The following ODAD3 variants were observed in gnomAD, a reference collection of about 807,000 sequenced individuals.
The protein encoded by ODAD3 is outer dynein arm-docking complex subunit 3.
Under a neutral mutation model 70.9 loss-of-function variants are expected in ODAD3, and 57 were observed. The ratio of observed to expected loss-of-function variants is 0.80; its 90% confidence interval spans 0.65 to 1.00. The LOEUF (loss-of-function observed/expected upper bound fraction) is 1.00, where lower values mean the gene tolerates loss of function less well. Among genes scored for constraint, ODAD3 ranks in the 50% least tolerant of loss-of-function variants. The pLI, the probability that ODAD3 is intolerant of heterozygous loss-of-function variation, is 0.00. For synonymous variants in ODAD3, 327 were observed against 315.9 expected (o/e 1.04, Z -0.37); for missense variants, 797 against 763.9 (o/e 1.04, Z -0.51).
intron 7 of ODAD3, among the ~76,000 whole-genome samples, chr19:11,425,080 T>TA (rs1969266864): frequency 7.3e-6 from 1 of 136,348 alleles, no homozygotes; most frequent in Non-Finnish European, 1.5e-5. Flanking sequence ...TGTATATGTG[T>TA]ATATGTACAT....
intron 7 of ODAD3, among the ~76,000 whole-genome samples, chr19:11,425,481 GTGTA>G (rs1969329975): frequency 7.2e-6 from 1 of 138,108 alleles, no homozygotes; most frequent in African/African-American, 2.7e-5. Context: ...GTATATATGT[GTGTA>G]TATATGTATA....
At chr19:11,421,301 G>T in intron 11 of ODAD3, 89 bp from the exon 12 acceptor site, 4 of 1,213,204 alleles carry the variant, frequency 3.3e-6, no homozygotes, top group Non-Finnish European at 4.6e-6. Context: ...ACCCCATTCC[G>T]AGATATGCCC....
At chr19:11,424,956 C>CCTATGTGTAT (rs1969247623) in intron 7 of ODAD3, among the ~76,000 whole-genome samples, 2 of 105,836 alleles carry the variant, frequency 1.9e-5, no homozygotes, top group African/African-American at 4.3e-5. Flanking sequence ...TGTATATGTA[C>CCTATGTGTAT]ATATGTGTAT....
In ODAD3 at chr19:11,426,137, C is replaced by T. The variant is rs1244733353; in HGVS notation, c.963+7G>A. The T allele has an allele frequency of 1.2e-6, 2 of 1,603,722 alleles. No individual in the cohort carries two copies. The highest frequency in any genetic ancestry group is 1.1e-5 in the South Asian group (1 of 90,520). ...AGTCACAGGCGCGCACCCCTGGGTG[C>T]GCCCACCTTGCGCTCCATGCGCTCG... On this transcript the variant is annotated splice_region_variant and intron_variant, in intron 7 of 12. Coordinates refer to ENST00000356392, the MANE Select transcript of ODAD3 (RefSeq NM_145045.5).
At chr19:11,421,251 G>T in intron 11 of ODAD3, 39 bp from the exon 12 acceptor site, 2 of 1,569,364 alleles carry the variant, frequency 1.3e-6, no homozygotes, top group East Asian at 2.3e-5. Context: ...AGGTGGGCGG[G>T]GCCAGGGGCC....
chr19:11,425,708 C>A (rs1202779789), intron 7 of ODAD3, among the ~76,000 whole-genome samples: 1 of 145,758 alleles, frequency 6.9e-6, no homozygotes, highest in Non-Finnish European at 1.5e-5. Flanking sequence ...ACAACAACAA[C>A]AACCCAAAAA....
In ODAD3 at chr19:11,426,747, T is replaced by C. The variant is rs761884253; in HGVS notation, c.650A>G (p.Gln217Arg). 2.5e-6 allele frequency: 4 copies of C among 1,613,868 alleles called. No individual in the cohort carries two copies. The African/African-American group carries it at 4.0e-5, about 16-fold the overall frequency. ...RNLENRLEKA[Q>R]MKAQEAEHIT... ...GTGCTCGGCCTCCTGCGCCTTCATC[T>C]GGGCCTTCTCCAGGCGGTTCTCCAG... is the stretch of plus-strand genomic sequence containing the variant. Residue 217 changes from glutamine (Q) to arginine (R), a missense_variant, in exon 5 of 13, where the codon CAG becomes CGG. By Grantham distance (43) the Gln-to-Arg change is conservative (BLOSUM62 1). Transcript: ENST00000356392.
chr19:11,421,105 T>TGGAGC, intron 12 of ODAD3, 23 bp downstream of exon 12: 1 of 1,601,666 alleles, frequency 6.2e-7, no homozygotes, highest in South Asian at 1.1e-5. Context: ...ACCGCACCCC[T>TGGAGC]TCATCCCCCC....
Position 11,422,596 on chromosome 19 carries a change from G to C in ODAD3, c.1309C>G (p.Arg437Gly), listed in dbSNP as rs756157252. The C allele has an allele frequency of 6.3e-7, 1 of 1,596,530 alleles. No homozygotes were observed. The highest frequency in any genetic ancestry group is 8.5e-7 in the Non-Finnish European group (1 of 1,174,036). Residue 437 changes from arginine to glycine, a missense_variant, in exon 10 of 13, where the codon CGT becomes GGT. Arg to Gly is a moderately radical substitution (Grantham distance 125). Coordinates refer to ENST00000356392, the MANE Select transcript of ODAD3 (RefSeq NM_145045.5). The surrounding 1 kb of genome is among the most constrained non-coding windows in gnomAD (Gnocchi z 4.6). ...TGCCGCCGCTCCTCCTTCTTGAGAC[G>C]CTCCTGCGCCTCGGCTTGCAGTTTC... is the stretch of plus-strand genomic sequence containing the variant. Reference protein sequence around the residue: ...QQKLQAEAQERLKKEERRHAE... With the variant: ...QQKLQAEAQEGLKKEERRHAE...
chr19:11,430,564 A>G (rs967796406), intron 3 of ODAD3, 135 bp downstream of exon 3: 3 of 829,148 alleles, frequency 3.6e-6, no homozygotes, highest in African/African-American at 1.7e-5. Flanking sequence ...GAAAGTGAGT[A>G]ATAAAGATTT....
At chr19:11,425,269 ATATG>A (rs1462063397) in intron 7 of ODAD3, among the ~76,000 whole-genome samples, 3 of 140,446 alleles carry the variant, frequency 2.1e-5, no homozygotes, top group African/African-American at 2.9e-5. Flanking sequence ...ACATATGTGT[ATATG>A]TGTGTATATG....
chr19:11,421,686 A>G lies in ODAD3; in HGVS notation c.1581T>C (p.Ala527=). The G allele has an allele frequency of 6.2e-7, 1 of 1,612,358 alleles. No individual in the cohort carries two copies. The highest frequency in any genetic ancestry group is 1.3e-5 in the African/African-American group (1 of 75,044). Residue 527 remains alanine (A), a synonymous_variant, in exon 11 of 13, where the codon GCT becomes GCC. Transcript: ENST00000356392. ...CATGGCTGCAGGGCACCTCGCGGTTAGCGATGTGGCACAGCATCTCCTGCA... is the reference window on the plus strand; with the variant it reads ...CATGGCTGCAGGGCACCTCGCGGTTGGCGATGTGGCACAGCATCTCCTGCA... ...HDVQEMLCHI[A]NREFLASLEG... is the part of the protein sequence containing the mutation.
chr19:11,420,843 T>G lies in ODAD3; in HGVS notation c.1780A>C (p.Arg594=), dbSNP rs200216067. 3.0e-5 allele frequency: 49 copies of G among 1,613,632 alleles called. No individual in the cohort carries two copies. Among genetic ancestry groups the G allele is most frequent in the Non-Finnish European group, 4.0e-5 (47 of 1,179,846 alleles). The change falls in exon 13 of 13, where the codon AGG becomes CGG. Residue 594 remains arginine (R), a synonymous_variant. Transcript: ENST00000356392. ...ESHKKHRRSR[R]S is the part of the protein sequence containing the mutation. ...TGGGTGTCAGGACGAGTCTAGGACC[T>G]CCGAGAGCGACGGTGCTTCTTGTGA...
chr19:11,432,942 C>T lies in ODAD3; in HGVS notation c.244+1831G>A, dbSNP rs1169939993. ...CCAAGTAGCTGGGATTACAGGCGTG[C>T]GCCACCATGCCCGGCTAATTTTTGT... On this transcript the variant is annotated intron_variant, in intron 1 of 12. Transcript: ENST00000356392. 4.6e-5 allele frequency among the ~76,000 whole-genome samples: 7 copies of T among 151,970 alleles called. No individual in the cohort carries two copies. In the South Asian group the frequency reaches 1.0e-3, roughly 23 times the overall value.
chr19:11,425,635 A>ATATG, intron 7 of ODAD3, among the ~76,000 whole-genome samples: 1 of 139,166 alleles, frequency 7.2e-6, no homozygotes, highest in African/African-American at 3.0e-5. Flanking sequence ...GCATATATGT[A>ATATG]TATATATGTA....
At position 11,434,795 on chromosome 19, in the gene ODAD3, T is replaced by TACAAAACAAAAAAAAGTTAC. The variant is rs2144790533; in HGVS notation, c.221_222insGTAACTTTTTTTTGTTTTGT (p.His75Ter). On this transcript the variant is annotated stop_gained and frameshift_variant, in exon 1 of 13. Coordinates refer to ENST00000356392, the MANE Select transcript of ODAD3 (RefSeq NM_145045.5). LOFTEE classifies it high-confidence loss of function. ...TACCTAACAGTTGTATCTTTTTATG[T>TACAAAACAAAAAAAAGTTAC]AACTCAGCCACCTGAGAGTGCACAG... The TACAAAACAAAAAAAAGTTAC allele has an allele frequency of 1.2e-6, 2 of 1,613,570 alleles. No individual in the cohort carries two copies. The highest frequency in any genetic ancestry group is 1.1e-5 in the South Asian group (1 of 91,062).
intron 7 of ODAD3, among the ~76,000 whole-genome samples, chr19:11,425,672 C>CAAA (rs145628052): frequency 7.8e-6 from 1 of 128,004 alleles, no homozygotes; most frequent in East Asian, 2.1e-4. Flanking sequence ...TATATATATG[C>CAAA]AAAAAAAACC....
upstream of ODAD3, chr19:11,435,412 C>A (rs1969658639): frequency 2.1e-5 from 8 of 381,598 alleles, no homozygotes; most frequent in South Asian, 1.1e-4. Context: ...ACTTTCTTTC[C>A]GGCTTGAGAA....
At chr19:11,421,880 G>A (rs757377017) in intron 10 of ODAD3, 48 bp from the exon 11 acceptor site, 2 of 1,572,886 alleles carry the variant, frequency 1.3e-6, no homozygotes, top group South Asian at 1.1e-5. Context: ...GGGGCCTCTT[G>A]GAAGGCTCCA....
Sources: gnomAD v4.1 joint callset for allele counts (sites outside exome capture counted in the v4.1 genomes callset) on GRCh38, gnomAD v4.1.1 for gene constraint, Gnocchi (gnomAD v3.1) non-coding constraint, MANE v1.5 for transcripts, NCBI Gene and HGNC (gene_info 2026-07-23, HGNC 2026-07-21) for gene names.